The following CDH4 variants were observed in gnomAD, a reference collection of about 807,000 sequenced individuals.
CDH4 encodes the protein cadherin-4.
A neutral mutation model predicts 86.0 loss-of-function variants in CDH4; 33 were observed. That is an observed-to-expected ratio of 0.38 (90% CI 0.29 to 0.51). The LOEUF (loss-of-function observed/expected upper bound fraction) is 0.51. CDH4 is among the 20% of genes least tolerant of loss of function. The pLI is 0.86. For synonymous variants in CDH4, 555 were observed against 549.4 expected (o/e 1.01, Z -0.14); for missense variants, 1,114 against 1,307.4 (o/e 0.85, Z 2.28).
intron 2 of CDH4, among the ~76,000 whole-genome samples, chr20:61,573,004 GGATGGATT>G (rs1425244512): frequency 6.8e-6 from 1 of 147,530 alleles, no homozygotes; most frequent in Non-Finnish European, 1.5e-5. Context: ...ACGGACGGAT[GGATGGATT>G]GATGGATGGA....
chr20:61,482,751 TG>T (rs1365485067), intron 2 of CDH4, among the ~76,000 whole-genome samples: 2 of 152,150 alleles, frequency 1.3e-5, no homozygotes, highest in Non-Finnish European at 2.9e-5. Flanking sequence ...TCTGTAGAGA[TG>T]GGCAATGAGC....
rs989732663 is a variant in CDH4, at chr20:61,791,524, C to T, written c.576+18342C>T. 2.6e-5 allele frequency among the ~76,000 whole-genome samples: 4 copies of T among 152,224 alleles called. No homozygotes were observed. The East Asian group carries it at 5.8e-4, about 22-fold the overall frequency. ...CAGCTCTGTGGCTGGTGTTGAGGTC[C>T]GCAGTGGGCCACTCAGTCACGGTTC... On this transcript the variant is annotated intron_variant, in intron 4 of 15. Transcript: ENST00000614565.
At chr20:61,414,141 C>T (rs570878506) in intron 2 of CDH4, among the ~76,000 whole-genome samples, 5 of 152,224 alleles carry the variant, frequency 3.3e-5, no homozygotes, top group African/African-American at 7.2e-5. Context: ...AAGGCGCTAC[C>T]GCAAATACAG....
intron 2 of CDH4, among the ~76,000 whole-genome samples, chr20:61,637,051 G>C (rs11698109): frequency 0.043 from 6,488 of 152,292 alleles, 183 homozygotes; most frequent in Non-Finnish European, 0.063. Flanking sequence ...AGGCAGGGGA[G>C]CCTCAGTTTG....
At chr20:61,288,894 G>A (rs900495525) in intron 2 of CDH4, among the ~76,000 whole-genome samples, 4 of 152,180 alleles carry the variant, frequency 2.6e-5, no homozygotes, top group Admixed American at 2.0e-4. Context: ...GTTCTGAGGC[G>A]GAAGTCATAG....
At chr20:61,617,225 T>G (rs940884713) in intron 2 of CDH4, among the ~76,000 whole-genome samples, 11 of 152,298 alleles carry the variant, frequency 7.2e-5, no homozygotes, top group African/African-American at 2.2e-4. Context: ...CGCTGTGTCG[T>G]GTCTGCCTGT....
intron 2 of CDH4, among the ~76,000 whole-genome samples, chr20:61,560,292 GTGCAGGTTTGTTTAT>G (rs2086207305): frequency 6.6e-6 from 1 of 152,218 alleles, no homozygotes; most frequent in Non-Finnish European, 1.5e-5. Flanking sequence ...GGGGGTACAT[GTGCAGGTTTGTTTAT>G]TGCCTGATGT....
intron 2 of CDH4, among the ~76,000 whole-genome samples, chr20:61,476,894 A>T (rs989866542): frequency 1.8e-4 from 28 of 152,192 alleles, no homozygotes; most frequent in Non-Finnish European, 3.7e-4. Context: ...GGTGGACAGG[A>T]TCACACCTGG....
chr20:61,533,305 G>A (rs1255271845), intron 2 of CDH4, among the ~76,000 whole-genome samples: 2 of 152,166 alleles, frequency 1.3e-5, no homozygotes, highest in East Asian at 1.9e-4. Flanking sequence ...CGAGCAGCAC[G>A]GGGAAGGATC....
chr20:61,438,824 G>A lies in CDH4; in HGVS notation c.169+183887G>A, dbSNP rs544144342. Among the ~76,000 whole-genome samples, 6 of 151,974 alleles carry A rather than the reference G, an allele frequency of 3.9e-5. No homozygotes were observed. In the East Asian group the frequency reaches 1.2e-3, roughly 29 times the overall value. ...GAGAACCTTGGCAAAAGTAAATCCT[G>A]CCATGTTATTAAATCAATAAGATTC... is the stretch of plus-strand genomic sequence containing the variant. On this transcript the variant is annotated intron_variant, in intron 2 of 15. Coordinates refer to ENST00000614565, the MANE Select transcript of CDH4 (RefSeq NM_001794.5).
chr20:61,683,523 G>A (rs898140741), intron 2 of CDH4, among the ~76,000 whole-genome samples: 2 of 152,134 alleles, frequency 1.3e-5, no homozygotes, highest in Non-Finnish European at 2.9e-5. Flanking sequence ...GTACCAGAAC[G>A]GGGTGCCGTG....
intron 2 of CDH4, among the ~76,000 whole-genome samples, chr20:61,657,778 A>G (rs1233594061): frequency 6.6e-6 from 1 of 152,280 alleles, no homozygotes; most frequent in African/African-American, 2.4e-5. Flanking sequence ...ATGTGGAGCT[A>G]CATGGGATTT....
chr20:61,486,179 GT>G (rs1450887938), intron 2 of CDH4, among the ~76,000 whole-genome samples: 3 of 152,192 alleles, frequency 2.0e-5, no homozygotes, highest in Non-Finnish European at 4.4e-5. Context: ...TGCATTCCTT[GT>G]TTCATCCTTC....
At position 61,480,700 on chromosome 20, in the gene CDH4, TG is replaced by T. The variant is rs1212627783; in HGVS notation, c.169+225765del. Reference sequence around the variant, plus strand: ...CTGTGTGGGCATCCGGGTTGTGCCCTGGTAAGGCGTTGGAACGGCTGAGGCC... The same window carrying T: ...CTGTGTGGGCATCCGGGTTGTGCCCTGTAAGGCGTTGGAACGGCTGAGGCC... On this transcript the variant is annotated intron_variant, in intron 2 of 15. Coordinates refer to ENST00000614565, the MANE Select transcript of CDH4 (RefSeq NM_001794.5). The surrounding 1 kb of genome is among the most constrained non-coding windows in gnomAD (Gnocchi z 5.2). 6.6e-6 allele frequency among the ~76,000 whole-genome samples: 1 copy of T among 152,240 alleles called. No homozygotes were observed. Among genetic ancestry groups the T allele is most frequent in the African/African-American group, 2.4e-5 (1 of 41,476 alleles).
At position 61,868,916 on chromosome 20, in the gene CDH4, G is replaced by A. The variant is rs970956652; in HGVS notation, c.878-4812G>A. 2.0e-5 allele frequency among the ~76,000 whole-genome samples: 3 copies of A among 152,332 alleles called. No homozygotes were observed. The South Asian group carries it at 6.2e-4, about 32-fold the overall frequency. ...CCACTGAGCCAAGCCTCCAGCTGTG[G>A]CACCTGCAGCTCACAGGCTGTGGTG... On this transcript the variant is annotated intron_variant, in intron 6 of 15. Coordinates refer to ENST00000614565, the MANE Select transcript of CDH4 (RefSeq NM_001794.5).
chr20:61,420,516 G>T (rs543320170), intron 2 of CDH4, among the ~76,000 whole-genome samples: 1 of 152,352 alleles, frequency 6.6e-6, no homozygotes, highest in Admixed American at 6.5e-5. Flanking sequence ...AACAAAATAA[G>T]CAGGCCCAGC....
intron 2 of CDH4, among the ~76,000 whole-genome samples, chr20:61,730,371 C>T (rs765831471): frequency 3.9e-5 from 6 of 152,142 alleles, no homozygotes; most frequent in Non-Finnish European, 8.8e-5. Context: ...GTGGCTTTGC[C>T]ATTTTCAGAA....
At chr20:61,328,797 ATTAG>A (rs1042278384) in intron 2 of CDH4, among the ~76,000 whole-genome samples, 3 of 152,186 alleles carry the variant, frequency 2.0e-5, no homozygotes, top group Non-Finnish European at 2.9e-5. Context: ...AAATAAATAA[ATTAG>A]TTAATTAAAT....
Position 61,895,040 on chromosome 20 carries a change from C to T in CDH4, c.1181C>T (p.Ala394Val). Residue 394 changes from alanine (A) to valine (V), a missense_variant, in exon 8 of 16, where the codon GCC becomes GTC. Physicochemically the swap from Ala to Val is moderately conservative, Grantham distance 64. Coordinates refer to ENST00000614565, the MANE Select transcript of CDH4 (RefSeq NM_001794.5). The part of the protein sequence containing the change: ...DVNDNPPEFT[A>V]STFAGEVPEN... ...AATGACAACCCGCCAGAATTTACCG[C>T]CAGCACGGTGAGTCCCTCGAAGCTG... 6.2e-7 allele frequency: 1 copy of T among 1,613,668 alleles called. No homozygotes were observed. The highest frequency in any genetic ancestry group is 8.5e-7 in the Non-Finnish European group (1 of 1,179,890).
Sources: allele counts gnomAD v4.1 joint callset (sites outside exome capture counted in the v4.1 genomes callset), GRCh38; gene constraint gnomAD v4.1.1; non-coding constraint Gnocchi (gnomAD v3.1); transcripts MANE v1.5; gene names NCBI Gene and HGNC (gene_info 2026-07-23, HGNC 2026-07-21).